DDOST: variants seen among roughly 807,000 people sequenced by gnomAD.
DDOST encodes dolichyl-diphosphooligosaccharide--protein glycosyltransferase non-catalytic subunit, also known as dolichyl-diphosphooligosaccharide--protein glycosyltransferase 48 kDa subunit.
In DDOST, 25 loss-of-function variants were observed where a neutral mutation model predicts 47.6. The ratio of observed to expected loss-of-function variants is 0.53; its 90% CI spans 0.38 to 0.73. DDOST has a LOEUF of 0.73. DDOST is among the 30% of genes least tolerant of loss of function. The pLI, the probability that DDOST is intolerant of heterozygous loss-of-function variation, is 0.00. For missense variants in DDOST, 526 were observed against 573.9 expected, an observed-to-expected ratio of 0.92 and a Z score of 0.85; for synonymous variants, 275 against 236.0, an observed-to-expected ratio of 1.17 and a Z score of -1.51.
intron 2 of DDOST, 51 bp from the exon 3 acceptor site, chr1:20,656,238 C>T (rs2053372351): frequency 2.1e-6 from 3 of 1,417,260 alleles, no homozygotes; most frequent in Non-Finnish European, 3.0e-6. Context: ...CTCCCTGCTC[C>T]TCTGACACTG....
Position 20,654,323 on chromosome 1 carries a change from C to A in DDOST, c.694G>T (p.Ala232Ser), listed in dbSNP as rs1244267797. 6.4e-7 allele frequency: 1 copy of A among 1,556,516 alleles called. No individual in the cohort carries two copies. The highest frequency in any genetic ancestry group is 1.9e-5 in the Admixed American group (1 of 51,878). Residue 232 changes from alanine (A) to serine (S), a missense_variant, in exon 7 of 11, where the codon GCC (alanine) becomes TCC (serine). Transcript: ENST00000602624. ...AAGATGACGCGGGCATTGTTCCTGG[C>A]CTGGAGCCCAGCAATGAGGAGGGTG... is the stretch of plus-strand genomic sequence containing the variant. ...KNTLLIAGLQ[A>S]RNNARVIFSG...
chr1:20,652,481 G>C lies in DDOST; in HGVS notation c.1218C>G (p.Pro406=). The C allele has an allele frequency of 6.2e-7, 1 of 1,614,004 alleles. No homozygotes were observed. Among genetic ancestry groups the C allele is most frequent in the Non-Finnish European group, 8.5e-7 (1 of 1,179,976 alleles). ...CGCTGGCGTAGTAGGGGTAGGCCGA[G>C]GGGATGAAGCGCTCATACTGCGTGT... ...LQHTQYERFI[P]SAYPYYASAF... is the part of the protein sequence containing the mutation. The change falls in exon 11 of 11, where the codon CCC becomes CCG. Residue 406 remains proline (P), a synonymous_variant. Coordinates refer to ENST00000602624, the MANE Select transcript of DDOST (RefSeq NM_005216.5).
chr1:20,654,287 G>T lies in DDOST; in HGVS notation c.730C>A (p.Leu244Ile), dbSNP rs2053339170. 1 of 1,552,330 alleles carries T rather than the reference G, an allele frequency of 6.4e-7. No individual in the cohort carries two copies. Among genetic ancestry groups the T allele is most frequent in the Admixed American group, 2.0e-5 (1 of 51,090 alleles). Residue 244 changes from leucine (L) to isoleucine (I), a missense_variant, in exon 7 of 11, where the codon CTC becomes ATC. By Grantham distance (5) the Leu-to-Ile change is conservative. Transcript: ENST00000602624. ...AAGAAGGAGTCGCTGAAGAAGTCGAGGGAGCCGCTGAAGATGACGCGGGCA... is the reference window on the plus strand; with the variant it reads ...AAGAAGGAGTCGCTGAAGAAGTCGATGGAGCCGCTGAAGATGACGCGGGCA... ...NNARVIFSGS[L>I]DFFSDSFFNS...
At chr1:20,661,141 C>T in intron 1 of DDOST, 56 bp downstream of exon 1, 6 of 1,572,112 alleles carry the variant, frequency 3.8e-6, no homozygotes, top group Non-Finnish European at 5.2e-6. Flanking sequence ...TCAATGCCCT[C>T]GATGCTGTAC....
intron 1 of DDOST, 97 bp from the exon 2 acceptor site, chr1:20,661,088 C>G: frequency 6.7e-7 from 1 of 1,487,280 alleles, no homozygotes; most frequent in South Asian, 1.2e-5. Context: ...GCAGGCCAGA[C>G]CCGGGCGGCC....
chr1:20,656,232 C>T (rs2053372228), intron 2 of DDOST, 45 bp from the exon 3 acceptor site: 1 of 1,472,082 alleles, frequency 6.8e-7, no homozygotes, highest in African/African-American at 1.4e-5. Flanking sequence ...TCTCCTCTCC[C>T]TGCTCCTCTG....
Position 20,659,169 on chromosome 1 carries a change from T to G in DDOST, c.265+1712A>C, listed in dbSNP as rs561156914. On this transcript the variant is annotated intron_variant, in intron 2 of 10. Transcript: ENST00000602624. ...TATCATACCTAGCCTTTTCTTTTTT[T>G]TTTTTTTAAGCAGGTCAATTTGAAG... 3.3e-5 allele frequency among the ~76,000 whole-genome samples: 5 copies of G among 152,234 alleles called. 1 individual carries two copies. The South Asian group carries it at 1.0e-3, about 32-fold the overall frequency.
chr1:20,653,349 A>G (rs1342397363), intron 8 of DDOST, among the ~76,000 whole-genome samples: 2 of 152,184 alleles, frequency 1.3e-5, no homozygotes, highest in Non-Finnish European at 2.9e-5. Context: ...TTCTCTTATT[A>G]AGTCCAACTT....
chr1:20,653,038 A>G, intron 8 of DDOST, 67 bp from the exon 9 acceptor site: 1 of 1,599,002 alleles, frequency 6.3e-7, no homozygotes, highest in Non-Finnish European at 8.6e-7. Context: ...CTGCAGGCAG[A>G]GCTGCACTTA....
chr1:20,653,197 A>G (rs1326255399), intron 8 of DDOST: 2 of 594,050 alleles, frequency 3.4e-6, no homozygotes, highest in Non-Finnish European at 6.0e-6. Flanking sequence ...CTGAAGGCCT[A>G]GATTCCTTCA....
intron 2 of DDOST, among the ~76,000 whole-genome samples, 165 bp from the exon 3 acceptor site, chr1:20,656,352 G>A (rs879339056): frequency 6.6e-6 from 1 of 152,176 alleles, no homozygotes; most frequent in Non-Finnish European, 1.5e-5. Flanking sequence ...ATCCCAGAAC[G>A]GGCAAGGCCC....
At position 20,661,232 on chromosome 1, in the gene DDOST, C is replaced by T. The variant is rs761548809; in HGVS notation, c.119G>A (p.Arg40Gln). ...TLVLLDNLNVRETHSLFFRSL... is the reference protein window; with the variant it reads ...TLVLLDNLNVQETHSLFFRSL... ...CCGGAAGAAAAGCGAATGAGTCTCC[C>T]GCACGTTGAGGTTGTCCAGCAGCAC... is the stretch of plus-strand genomic sequence containing the variant. Residue 40 changes from arginine (R) to glutamine (Q), a missense_variant, in exon 1 of 11, where the codon CGG (arginine) becomes CAG (glutamine). Coordinates refer to ENST00000602624, the MANE Select transcript of DDOST (RefSeq NM_005216.5). 30 of 1,613,934 alleles carry T rather than the reference C, an allele frequency of 1.9e-5. 1 individual carries two copies. In the South Asian group the frequency reaches 2.0e-4, roughly 11 times the overall value.
Position 20,652,341 on chromosome 1 carries a change from G to A in DDOST, c.*38C>T, listed in dbSNP as rs1445419096. Reference sequence around the variant, plus strand: ...ACCAATCCTAATAACCCCCCTCCTTGCCCCGTCTCCACGCTGTGCGGAGAG... The same window carrying A: ...ACCAATCCTAATAACCCCCCTCCTTACCCCGTCTCCACGCTGTGCGGAGAG... On this transcript the variant is annotated 3_prime_UTR_variant, in exon 11 of 11. Transcript: ENST00000602624. 3 of 1,539,750 alleles carry A rather than the reference G, an allele frequency of 1.9e-6. No individual in the cohort carries two copies. The highest frequency in any genetic ancestry group is 2.6e-6 in the Non-Finnish European group (3 of 1,145,218).
At chr1:20,655,914 T>TG in intron 3 of DDOST, 135 bp from the exon 4 acceptor site, 1 of 825,824 alleles carries the variant, frequency 1.2e-6, no homozygotes, top group South Asian at 1.5e-5. Context: ...CAGCCCCAGA[T>TG]GGACCCCTGG....
Position 20,660,902 on chromosome 1 carries a change from TGATGA to T in DDOST, c.239_243del (p.Leu80HisfsTer23). 1.2e-6 allele frequency: 2 copies of T among 1,610,572 alleles called. No homozygotes were observed. Among genetic ancestry groups the T allele is most frequent in the South Asian group, 2.2e-5 (2 of 90,964 alleles). Reference sequence around the variant, plus strand: ...TTACCTTCTACCGAAGGGGAGAAAATGATGAGATTGTCATAGAGGAATTCCCCATA... The same window carrying T: ...TTACCTTCTACCGAAGGGGAGAAAATGATTGTCATAGAGGAATTCCCCATA... On this transcript the variant is annotated frameshift_variant, in exon 2 of 11. Coordinates refer to ENST00000602624, the MANE Select transcript of DDOST (RefSeq NM_005216.5). LOFTEE classifies it high-confidence loss of function.
chr1:20,657,588 C>T (rs2053388954), intron 2 of DDOST, among the ~76,000 whole-genome samples: 1 of 152,096 alleles, frequency 6.6e-6, no homozygotes, highest in African/African-American at 2.4e-5. Flanking sequence ...GGCTGAGCAA[C>T]CGGAAGGACG....
chr1:20,660,850 TC>T (rs1323811657), intron 2 of DDOST, 30 bp downstream of exon 2: 1 of 1,355,682 alleles, frequency 7.4e-7, no homozygotes, highest in Admixed American at 1.7e-5. Flanking sequence ...GGTCTCGAAT[TC>T]CAGTGCTAGG....
At position 20,656,151 on chromosome 1, in the gene DDOST, G is replaced by A; in HGVS notation, c.302C>T (p.Ala101Val). The A allele has an allele frequency of 6.2e-7, 1 of 1,614,140 alleles. No homozygotes were observed. The highest frequency in any genetic ancestry group is 8.5e-7 in the Non-Finnish European group (1 of 1,180,010). ...CACACTGCCTCCGCCGTCAATAAAG[G>A]CACTGATGGTCTCCACGTTGATGTT... Reference protein sequence around the residue: ...GGNINVETISAFIDGGGSVLV... With the variant: ...GGNINVETISVFIDGGGSVLV... The change falls in exon 3 of 11, where the codon GCC (alanine) becomes GTC (valine). Residue 101 changes from alanine (A) to valine (V), a missense_variant. Transcript: ENST00000602624.
Position 20,652,308 on chromosome 1 carries a change from A to G in DDOST, c.*71T>C, listed in dbSNP as rs1570411735. 5 of 1,442,598 alleles carry G rather than the reference A, an allele frequency of 3.5e-6. No individual in the cohort carries two copies. In the East Asian group the frequency reaches 1.2e-4, roughly 36 times the overall value. The allele number at this position is 1,442,598 out of a possible 1,614,324, so 89.4% of individuals were successfully genotyped here. A position where few individuals can be genotyped will look rare whatever the true frequency, so the allele number is the denominator to read the frequency against. On this transcript the variant is annotated 3_prime_UTR_variant, in exon 11 of 11. Transcript: ENST00000602624. ...TTCCCACGGCTTTAAACAAAGCAAA[A>G]CAAAACCACCAATCCTAATAACCCC... is the stretch of plus-strand genomic sequence containing the variant.
Sources: allele counts gnomAD v4.1 joint callset (sites outside exome capture counted in the v4.1 genomes callset), GRCh38; gene constraint gnomAD v4.1.1; transcripts MANE v1.5; gene names NCBI Gene and HGNC (gene_info 2026-07-23, HGNC 2026-07-21).